Variants in SLCO1A2 observed in about 807,000 individuals in gnomAD.
The protein encoded by SLCO1A2 is OATP-1.
In SLCO1A2, 67 loss-of-function variants were observed where a neutral mutation model predicts 69.0. The observed-to-expected ratio is 0.97, with a 90% CI of 0.80 to 1.19. SLCO1A2 has a LOEUF of 1.19. Ranked by LOEUF, SLCO1A2 falls within the 50% of genes most tolerant of loss-of-function variation. The pLI is 0.00. For synonymous variants in SLCO1A2, 260 were observed against 265.9 expected, an observed-to-expected ratio of 0.98 and a Z score of 0.22; for missense variants, 787 against 793.7, an observed-to-expected ratio of 0.99 and a Z score of 0.10.
intron 1 of SLCO1A2, among the ~76,000 whole-genome samples, chr12:21,381,900 T>A (rs1010248563): frequency 5.9e-5 from 9 of 152,220 alleles, no homozygotes; most frequent in Admixed American, 6.5e-5. Flanking sequence ...TAGTACAACC[T>A]CTCTGGAAAA....
At chr12:21,353,537 G>T (rs1246138897) in intron 2 of SLCO1A2, among the ~76,000 whole-genome samples, 1 of 152,090 alleles carries the variant, frequency 6.6e-6, no homozygotes, top group African/African-American at 2.4e-5. Flanking sequence ...GCTTTGGTAG[G>T]AGATAGCAGA....
At chr12:21,285,835 A>G (rs1340845246) in intron 12 of SLCO1A2, among the ~76,000 whole-genome samples, 2 of 152,094 alleles carry the variant, frequency 1.3e-5, no homozygotes, top group African/African-American at 4.8e-5. Context: ...CTCTCAATAA[A>G]TTAGGTATTG....
intron 1 of SLCO1A2, among the ~76,000 whole-genome samples, chr12:21,413,037 T>C (rs1241023851): frequency 6.6e-6 from 1 of 152,126 alleles, no homozygotes; most frequent in Middle Eastern, 3.2e-3. Context: ...TCCACCAAAG[T>C]ATACTCCAAT....
At chr12:21,361,597 G>T (rs1938890692) in intron 2 of SLCO1A2, among the ~76,000 whole-genome samples, 1 of 152,176 alleles carries the variant, frequency 6.6e-6, no homozygotes, top group Non-Finnish European at 1.5e-5. Context: ...ACTTCTCCGA[G>T]CTAAAGGAGG....
At chr12:21,277,868 G>A (rs1820704514) in intron 12 of SLCO1A2, among the ~76,000 whole-genome samples, 1 of 152,150 alleles carries the variant, frequency 6.6e-6, no homozygotes, top group Non-Finnish European at 1.5e-5. Flanking sequence ...TTCCTACCAG[G>A]CCAGGGTCTG....
chr12:21,416,305 A>C (rs990773698), intron 1 of SLCO1A2, among the ~76,000 whole-genome samples: 1 of 151,100 alleles, frequency 6.6e-6, no homozygotes, highest in Admixed American at 6.6e-5. Context: ...GTCAGTCACA[A>C]TTAAATCAGG....
At chr12:21,287,314 T>C (rs1946033561) in intron 12 of SLCO1A2, among the ~76,000 whole-genome samples, 1 of 147,520 alleles carries the variant, frequency 6.8e-6, no homozygotes, top group East Asian at 2.0e-4. Flanking sequence ...CTATGAGATA[T>C]CATCTCACAC....
chr12:21,391,823 T>C (rs1228037171), intron 1 of SLCO1A2, among the ~76,000 whole-genome samples: 3 of 152,050 alleles, frequency 2.0e-5, no homozygotes. Context: ...CTAGTTCACT[T>C]TGCACTTTAC....
chr12:21,277,244 G>C (rs1259226615), intron 12 of SLCO1A2, among the ~76,000 whole-genome samples: 2 of 146,250 alleles, frequency 1.4e-5, no homozygotes, highest in African/African-American at 5.1e-5. Context: ...GTCATGAGGT[G>C]CCCATTCCAG....
rs1009424320 is a variant in SLCO1A2, at chr12:21,376,998, G to A, written c.-189-2473C>T. Among the ~76,000 whole-genome samples the A allele has an allele frequency of 5.5e-4, 83 of 151,948 alleles. 2 individuals are homozygous for A. Among genetic ancestry groups the A allele is most frequent in the Non-Finnish European group, 4.4e-5 (3 of 67,942 alleles). On this transcript the variant is annotated intron_variant, in intron 1 of 15. Transcript: ENST00000307378. The stretch of plus-strand genomic sequence containing the variant: ...TCCGATATCGTTTTAAAAGCACATT[G>A]AAACAAAAGGCTGTCAAAAAAATAG...
intron 12 of SLCO1A2, among the ~76,000 whole-genome samples, chr12:21,277,224 A>G (rs1480027080): frequency 6.7e-6 from 1 of 148,774 alleles, no homozygotes; most frequent in Non-Finnish European, 1.5e-5. Context: ...AGGATAGGGC[A>G]CTGGTAAGGG....
intron 12 of SLCO1A2, among the ~76,000 whole-genome samples, chr12:21,285,492 T>C (rs1212555802): frequency 7.2e-6 from 1 of 138,178 alleles, no homozygotes; most frequent in African/African-American, 2.8e-5. Flanking sequence ...GAGGGAATCC[T>C]CCCTAACTCA....
intron 14 of SLCO1A2, 120 bp downstream of exon 14, chr12:21,274,349 G>C (rs1943410428): frequency 1.7e-6 from 1 of 591,650 alleles, no homozygotes; most frequent in Non-Finnish European, 3.0e-6. Flanking sequence ...CAGTATCTCT[G>C]CTGGAAATAA....
chr12:21,319,240 T>G, intron 2 of SLCO1A2: 2 of 885,344 alleles, frequency 2.3e-6, no homozygotes, highest in Non-Finnish European at 3.3e-6. Context: ...AGAGCTACAA[T>G]GATATCTAAA....
At chr12:21,351,516 C>T (rs1376720788) in intron 2 of SLCO1A2, among the ~76,000 whole-genome samples, 1 of 152,118 alleles carries the variant, frequency 6.6e-6, no homozygotes, top group Non-Finnish European at 1.5e-5. Flanking sequence ...TGGCTTGTGC[C>T]TGTAATCCCA....
chr12:21,280,995 G>A (rs569200794), intron 12 of SLCO1A2, among the ~76,000 whole-genome samples: 169 of 152,224 alleles, frequency 1.1e-3, no homozygotes, highest in Non-Finnish European at 2.0e-3. Flanking sequence ...TGAATGACCA[G>A]TGGGTCAATG....
intron 1 of SLCO1A2, among the ~76,000 whole-genome samples, chr12:21,415,343 A>G (rs1221620249): frequency 6.6e-6 from 1 of 152,172 alleles, no homozygotes; most frequent in African/African-American, 2.4e-5. Flanking sequence ...AAGGGCAGTT[A>G]GCAATTTTTA....
At chr12:21,294,471 T>G (rs555991686) in intron 10 of SLCO1A2, 128 of 157,676 alleles carry the variant, frequency 8.1e-4, no homozygotes, top group African/African-American at 2.9e-3. Flanking sequence ...AGGACTAGCA[T>G]GAAGATAAAA....
intron 12 of SLCO1A2, among the ~76,000 whole-genome samples, chr12:21,288,497 T>A (rs1021318500): frequency 2.6e-5 from 4 of 151,686 alleles, no homozygotes; most frequent in African/African-American, 9.7e-5. Context: ...AGCAGAAGGG[T>A]TGTTACCAGA....
Sources: allele counts gnomAD v4.1 joint callset (sites outside exome capture counted in the v4.1 genomes callset), GRCh38; gene constraint gnomAD v4.1.1; transcripts MANE v1.5; gene names NCBI Gene and HGNC (gene_info 2026-07-23, HGNC 2026-07-21).